The following BANP variants were observed in gnomAD, a reference collection of about 807,000 sequenced individuals.
The protein encoded by BANP is protein BANP.
A neutral mutation model predicts 68.1 loss-of-function variants in BANP; 11 were observed. The observed-to-expected ratio is 0.16, with a 90% confidence interval of 0.10 to 0.27. The LOEUF is 0.27. Ranked by LOEUF, BANP falls within the 10% of genes least tolerant of loss-of-function variation. The pLI, the probability that BANP is intolerant of heterozygous loss-of-function variation, is 1.00. For synonymous variants in BANP, 329 were observed against 303.2 expected (o/e 1.09, Z -0.88); for missense variants, 504 against 722.7 (o/e 0.70, Z 3.47).
Position 88,057,642 on chromosome 16 carries a change from G to T in BANP, c.1312-7625G>T, listed in dbSNP as rs1440561264. On this transcript the variant is annotated intron_variant, in intron 11 of 13. Transcript: ENST00000682872. This position sits in a 1 kb window ranked among gnomAD's most constrained non-coding sequence, Gnocchi z 4.6. ...GAAGAATGTTCTTCACACCCTTCAT[G>T]TTGGCAATGTTTGGGTCCTGGTTCT... 6.6e-6 allele frequency among the ~76,000 whole-genome samples: 1 copy of T among 150,662 alleles called. No homozygotes were observed. Among genetic ancestry groups the T allele is most frequent in the Non-Finnish European group, 1.5e-5 (1 of 67,726 alleles).
At chr16:87,959,050 A>G (rs1165785811) in intron 1 of BANP, among the ~76,000 whole-genome samples, 2 of 152,214 alleles carry the variant, frequency 1.3e-5, no homozygotes, top group African/African-American at 4.8e-5. Flanking sequence ...GTGCATGCCC[A>G]CAGGGGTGGA....
chr16:87,977,767 C>T (rs1035687062), intron 2 of BANP, among the ~76,000 whole-genome samples: 7 of 152,194 alleles, frequency 4.6e-5, no homozygotes, highest in South Asian at 2.1e-4. Context: ...CTATGGCTTG[C>T]GCTTACTCTA....
intron 1 of BANP, among the ~76,000 whole-genome samples, chr16:87,972,016 C>T (rs920506089): frequency 7.2e-5 from 11 of 152,096 alleles, no homozygotes; most frequent in Admixed American, 5.2e-4. Context: ...TGCTCTTGAG[C>T]TATCAACCTC....
intron 6 of BANP, among the ~76,000 whole-genome samples, chr16:88,008,499 ATGTT>A (rs1187694699): frequency 6.6e-6 from 1 of 152,178 alleles, no homozygotes; most frequent in Non-Finnish European, 1.5e-5. Context: ...TTCAGGCCTG[ATGTT>A]TGTTTGATTG....
At chr16:87,998,230 C>T (rs1382497449) in intron 4 of BANP, among the ~76,000 whole-genome samples, 4 of 152,142 alleles carry the variant, frequency 2.6e-5, no homozygotes, top group East Asian at 1.9e-4. Flanking sequence ...GAAGGCCACA[C>T]GGAAAACTAA....
At position 87,993,096 on chromosome 16, in the gene BANP, C is replaced by T. The variant is rs150822881; in HGVS notation, c.362+8837C>T. Among the ~76,000 whole-genome samples, 5 of 152,314 alleles carry T rather than the reference C, an allele frequency of 3.3e-5. No individual in the cohort carries two copies. In the East Asian group the frequency reaches 5.8e-4, roughly 18 times the overall value. ...TTGTCTCCTGACTAGATGGGGGTCACGGGTTTTGGGGAGGGAGGACACGTA... is the reference window on the plus strand; with the variant it reads ...TTGTCTCCTGACTAGATGGGGGTCATGGGTTTTGGGGAGGGAGGACACGTA... On this transcript the variant is annotated intron_variant, in intron 4 of 13. Transcript: ENST00000682872.
Position 87,957,766 on chromosome 16 carries a change from C to T in BANP, c.-69+6251C>T, listed in dbSNP as rs550637925. ...GTGAATGCGCTTCCCGTAAATATGG[C>T]AGAACGCCTTCACCTTTCACCAGAT... On this transcript the variant is annotated intron_variant, in intron 1 of 13. Coordinates refer to ENST00000682872, the MANE Select transcript of BANP (RefSeq NM_001386991.1). This position sits in a 1 kb window ranked among gnomAD's most constrained non-coding sequence, Gnocchi z 4.3. Among the ~76,000 whole-genome samples, 4 of 152,370 alleles carry T rather than the reference C, an allele frequency of 2.6e-5. No homozygotes were observed. Among genetic ancestry groups the T allele is most frequent in the African/African-American group, 7.2e-5 (3 of 41,578 alleles).
rs1333888313 is a variant in BANP at position 87,957,192 on chromosome 16, C to G, written c.-69+5677C>G. 1.3e-5 allele frequency: 2 copies of G among 152,238 alleles called. No individual in the cohort carries two copies. Among genetic ancestry groups the G allele is most frequent in the African/African-American group, 4.8e-5 (2 of 41,454 alleles). 9.4% of individuals were successfully genotyped at this position (152,238 alleles called of 1,614,324 possible). A position where few individuals can be genotyped will look rare whatever the true frequency, so the allele number is the denominator to read the frequency against. ...GACTCGCTGCTCCCATGGGAGGTGT[C>G]TCTCTGGGGAAGGGGTCAGTGGTGG... On this transcript the variant is annotated intron_variant, in intron 1 of 13. Coordinates refer to ENST00000682872, the MANE Select transcript of BANP (RefSeq NM_001386991.1). The surrounding 1 kb of genome is among the most constrained non-coding windows in gnomAD (Gnocchi z 4.3).
intron 4 of BANP, among the ~76,000 whole-genome samples, chr16:87,985,132 C>T (rs1410061020): frequency 2.0e-5 from 3 of 152,200 alleles, no homozygotes; most frequent in South Asian, 2.1e-4. Flanking sequence ...TGGTGGCTGG[C>T]GCTGGGTTAG....
In BANP at chr16:88,074,483, C is replaced by A. The variant is rs1228414728; in HGVS notation, c.1522-2107C>A. On this transcript the variant is annotated intron_variant, in intron 13 of 13. Transcript: ENST00000682872. ...GACACTTGTCTTAATGCGCGGTGGC[C>A]TGTGGGTGTCACAGGCTCCCTGAAC... Among the ~76,000 whole-genome samples, 6 of 152,092 alleles carry A rather than the reference C, an allele frequency of 3.9e-5. No homozygotes were observed. The East Asian group carries it at 1.2e-3, about 29-fold the overall frequency.
intron 1 of BANP, among the ~76,000 whole-genome samples, chr16:87,963,172 G>A (rs1207533038): frequency 3.3e-5 from 5 of 152,120 alleles, no homozygotes; most frequent in South Asian, 2.1e-4. Flanking sequence ...GGAGAAGGGC[G>A]CCAGGACGAT....
chr16:88,052,512 A>G (rs2083480428), intron 11 of BANP, among the ~76,000 whole-genome samples: 1 of 151,956 alleles, frequency 6.6e-6, no homozygotes, highest in South Asian at 2.1e-4. Flanking sequence ...AACTCTCATG[A>G]TTCCTGAACA....
chr16:87,981,538 A>C (rs1217889430), intron 3 of BANP, among the ~76,000 whole-genome samples: 1 of 152,260 alleles, frequency 6.6e-6, no homozygotes, highest in East Asian at 1.9e-4. Flanking sequence ...TTACATCTGC[A>C]CAGTTTCCAA....
In BANP at chr16:88,072,111, C is replaced by A. The variant is rs1194515021; in HGVS notation, c.1420C>A (p.Pro474Thr). The change falls in exon 13 of 14, where the codon CCC becomes ACC. Residue 474 changes from proline (P) to threonine (T), a missense_variant. Physicochemically the swap from Pro to Thr is conservative, Grantham distance 38. Coordinates refer to ENST00000682872, the MANE Select transcript of BANP (RefSeq NM_001386991.1). Reference protein sequence around the residue: ...AQLIAVASSDPAAAGVDGSPL... With the variant: ...AQLIAVASSDTAAAGVDGSPL... ...GCTGATCGCCGTGGCCTCCTCGGAC[C>A]CCGCGGCGGCGGGCGTGGATGGGTC... The A allele has an allele frequency of 2.5e-6, 4 of 1,604,784 alleles. No individual in the cohort carries two copies. Among genetic ancestry groups the A allele is most frequent in the African/African-American group, 1.3e-5 (1 of 74,866 alleles).
rs143051522 is a variant in BANP at position 88,072,152 on chromosome 16, C to T, written c.1461C>T (p.Ser487=). 1,301 of 1,611,410 alleles carry T rather than the reference C, an allele frequency of 8.1e-4. 5 individuals carry two copies. The Middle Eastern group carries it at 9.5e-3, about 12-fold the overall frequency. ...AGVDGSPLQG[S]DIQVQYVQLA... ...TGGATGGGTCGCCACTCCAGGGCAG[C>T]GACATCCAGGTTCAGTACGTGCAGC... is the stretch of plus-strand genomic sequence containing the variant. The change falls in exon 13 of 14, where the codon AGC becomes AGT. Residue 487 remains serine, a synonymous_variant. Transcript: ENST00000682872.
intron 4 of BANP, among the ~76,000 whole-genome samples, chr16:87,989,204 C>G (rs749528446): frequency 1.2e-4 from 19 of 152,188 alleles, no homozygotes; most frequent in Non-Finnish European, 4.4e-5. Flanking sequence ...CAGTCGTCAT[C>G]GACTTGGGGA....
At chr16:87,950,511 T>G (rs1268399168), upstream of BANP, 2 of 152,052 alleles carry the variant, frequency 1.3e-5, no homozygotes, top group Non-Finnish European at 2.9e-5. Context: ...CTCGGCTCAC[T>G]GCAACCTCTG....
At chr16:88,029,420 T>C (rs375994693) in intron 8 of BANP, among the ~76,000 whole-genome samples, 34 of 147,950 alleles carry the variant, frequency 2.3e-4, no homozygotes, top group Non-Finnish European at 4.3e-4. Context: ...CCATCCTGGC[T>C]AACACGGTGA....
At chr16:87,970,755 C>T (rs1238189140) in intron 1 of BANP, among the ~76,000 whole-genome samples, 20 of 152,052 alleles carry the variant, frequency 1.3e-4, no homozygotes, top group Non-Finnish European at 1.0e-4. Flanking sequence ...CGCGGTGGCT[C>T]GGCCTGTCAT....
Sources: allele counts gnomAD v4.1 joint callset (sites outside exome capture counted in the v4.1 genomes callset), GRCh38; gene constraint gnomAD v4.1.1; non-coding constraint Gnocchi (gnomAD v3.1); transcripts MANE v1.5; gene names NCBI Gene and HGNC (gene_info 2026-07-23, HGNC 2026-07-21).